The following GABRB1 variants were observed in gnomAD, a reference collection of about 807,000 sequenced individuals.
GABRB1 encodes gamma-aminobutyric acid receptor subunit beta-1.
Under a neutral mutation model 51.6 loss-of-function variants are expected in GABRB1, and 17 were observed. The observed-to-expected ratio is 0.33, with a 90% CI of 0.23 to 0.49. GABRB1 has a LOEUF of 0.49. GABRB1 is among the 20% of genes least tolerant of loss of function. The pLI is 0.99. For missense variants in GABRB1, 410 were observed against 600.6 expected, an observed-to-expected ratio of 0.68 and a Z score of 3.32; for synonymous variants, 247 against 218.9, an observed-to-expected ratio of 1.13 and a Z score of -1.14.
chr4:47,254,597 C>T (rs1722127515), intron 4 of GABRB1, among the ~76,000 whole-genome samples: 2 of 151,798 alleles, frequency 1.3e-5, no homozygotes, highest in Non-Finnish European at 2.9e-5. Flanking sequence ...TGGTCTCGAT[C>T]TCCTGACTTT....
intron 1 of GABRB1, among the ~76,000 whole-genome samples, chr4:47,016,772 TAGAGAC>T (rs1724757546): frequency 6.6e-6 from 1 of 151,956 alleles, no homozygotes; most frequent in Non-Finnish European, 1.5e-5. Context: ...GTATTTTTAG[TAGAGAC>T]AGGGTTTCAC....
intron 3 of GABRB1, among the ~76,000 whole-genome samples, chr4:47,105,617 G>A (rs1219365887): frequency 6.6e-6 from 1 of 152,056 alleles, no homozygotes; most frequent in Non-Finnish European, 1.5e-5. Context: ...ATCTTCATCT[G>A]TGCAGTGAGT....
intron 3 of GABRB1, among the ~76,000 whole-genome samples, chr4:47,104,732 C>T (rs77177444): frequency 0.032 from 4,917 of 152,044 alleles, 380 homozygotes; most frequent in East Asian, 0.17. Context: ...TCAGAAAAGA[C>T]ATTCTTTATC....
intron 4 of GABRB1, among the ~76,000 whole-genome samples, chr4:47,169,006 T>C (rs1275117461): frequency 1.3e-5 from 2 of 152,120 alleles, no homozygotes; most frequent in Non-Finnish European, 2.9e-5. Context: ...CATATTGGAT[T>C]AGGACCCACC....
chr4:47,043,314 TC>T (rs1725937695), intron 3 of GABRB1: 1 of 152,044 alleles, frequency 6.6e-6, no homozygotes, highest in South Asian at 2.1e-4. Context: ...ATGGATTCAG[TC>T]CTTGGTGGGT....
intron 4 of GABRB1, among the ~76,000 whole-genome samples, chr4:47,257,590 G>A (rs945481030): frequency 6.6e-6 from 1 of 151,854 alleles, no homozygotes. Flanking sequence ...AAGTTGATTG[G>A]TGAGAAGTGT....
At chr4:47,377,637 C>T (rs1338308766) in intron 5 of GABRB1, among the ~76,000 whole-genome samples, 1 of 152,048 alleles carries the variant, frequency 6.6e-6, no homozygotes, top group Non-Finnish European at 1.5e-5. Context: ...TTATCTGGCC[C>T]CACCCACATC....
chr4:47,388,565 T>A (rs949279157), intron 5 of GABRB1, among the ~76,000 whole-genome samples: 17 of 152,216 alleles, frequency 1.1e-4, no homozygotes, highest in African/African-American at 4.1e-4. Context: ...CCAAATCTGC[T>A]GCTGCTTAAT....
intron 4 of GABRB1, among the ~76,000 whole-genome samples, chr4:47,304,437 A>G (rs1394625978): frequency 2.0e-5 from 3 of 152,058 alleles, no homozygotes; most frequent in Non-Finnish European, 4.4e-5. Flanking sequence ...TCTGCTTTTG[A>G]GAAGTATCCA....
intron 4 of GABRB1, among the ~76,000 whole-genome samples, chr4:47,202,690 CAA>C (rs1404845452): frequency 2.0e-5 from 3 of 152,072 alleles, no homozygotes; most frequent in African/African-American, 7.2e-5. Flanking sequence ...CTTTGTGGGG[CAA>C]ACACTTAATT....
At chr4:47,381,469 C>T (rs1230621781) in intron 5 of GABRB1, among the ~76,000 whole-genome samples, 2 of 152,214 alleles carry the variant, frequency 1.3e-5, no homozygotes, top group East Asian at 1.9e-4. Flanking sequence ...GTTCTCTCCC[C>T]GTGCGTGTTC....
intron 4 of GABRB1, among the ~76,000 whole-genome samples, chr4:47,175,107 T>C (rs1194249359): frequency 6.7e-6 from 1 of 148,682 alleles, no homozygotes; most frequent in Non-Finnish European, 1.5e-5. Context: ...CTTCCTTCCT[T>C]CCTCTTCCTT....
At chr4:47,320,802 C>T (rs1725056502) in intron 5 of GABRB1, among the ~76,000 whole-genome samples, 1 of 133,012 alleles carries the variant, frequency 7.5e-6, no homozygotes, top group Non-Finnish European at 1.5e-5. Flanking sequence ...CGGAGTCCCA[C>T]TCTGTCGCCC....
chr4:47,397,578 C>A (rs1450412520), intron 5 of GABRB1, among the ~76,000 whole-genome samples: 1 of 149,522 alleles, frequency 6.7e-6, no homozygotes, highest in East Asian at 2.0e-4. Flanking sequence ...TTTTTTTTTT[C>A]TTTTTTGAGA....
At chr4:47,244,420 C>T (rs1470507982) in intron 4 of GABRB1, among the ~76,000 whole-genome samples, 2 of 152,144 alleles carry the variant, frequency 1.3e-5, no homozygotes, top group Non-Finnish European at 2.9e-5. Flanking sequence ...AGAGGATTCC[C>T]TCTTTTTCTA....
At chr4:47,030,558 C>A (rs1230499703), upstream of GABRB1, among the ~76,000 whole-genome samples, 1 of 152,042 alleles carries the variant, frequency 6.6e-6, no homozygotes, top group African/African-American at 2.4e-5. Flanking sequence ...GTTATAAGTC[C>A]CAGAATGCCC....
At chr4:47,408,260 G>A (rs1197825053) in intron 8 of GABRB1, among the ~76,000 whole-genome samples, 1 of 152,194 alleles carries the variant, frequency 6.6e-6, no homozygotes, top group African/African-American at 2.4e-5. Context: ...TCTAGGCAAA[G>A]GAAATAGCAA....
chr4:47,015,852 C>A (rs932164944), intron 1 of GABRB1, among the ~76,000 whole-genome samples: 73 of 152,268 alleles, frequency 4.8e-4, no homozygotes, highest in African/African-American at 1.6e-3. Context: ...GATCCTACAG[C>A]ATACCAGGAT....
chr4:47,289,166 A>G (rs1358364872), intron 4 of GABRB1, among the ~76,000 whole-genome samples: 2 of 152,174 alleles, frequency 1.3e-5, no homozygotes, highest in African/African-American at 4.8e-5. Context: ...AACAGAGACC[A>G]TCAGTCCACA....
Sources: allele counts gnomAD v4.1 joint callset (sites outside exome capture counted in the v4.1 genomes callset), GRCh38; gene constraint gnomAD v4.1.1; transcripts MANE v1.5; gene names NCBI Gene and HGNC (gene_info 2026-07-23, HGNC 2026-07-21).